Variants in PTDSS1 observed in about 807,000 individuals in gnomAD.
The protein encoded by PTDSS1 is phosphatidylserine synthase 1.
A neutral mutation model predicts 70.5 loss-of-function variants in PTDSS1; 45 were observed. The observed-to-expected ratio is 0.64, with a 90% CI of 0.50 to 0.82. The LOEUF is 0.82. Among genes scored for constraint, PTDSS1 ranks in the 40% least tolerant of loss-of-function variants. The pLI is 0.00. For synonymous variants in PTDSS1, 188 were observed against 203.8 expected (o/e 0.92, Z 0.66); for missense variants, 417 against 586.1 (o/e 0.71, Z 2.98).
intron 7 of PTDSS1, among the ~76,000 whole-genome samples, chr8:96,304,979 A>C (rs1007519736): frequency 6.6e-6 from 1 of 152,252 alleles, no homozygotes; most frequent in South Asian, 2.1e-4. Flanking sequence ...CACAGAGACA[A>C]TGCCCATCGC....
In PTDSS1 at chr8:96,306,468, T is replaced by C; in HGVS notation, c.919T>C (p.Leu307=). 3 of 1,614,144 alleles carry C rather than the reference T, an allele frequency of 1.9e-6. No homozygotes were observed. The highest frequency in any genetic ancestry group is 1.7e-6 in the Non-Finnish European group (2 of 1,179,974). The change falls in exon 8 of 13, where the codon TTG becomes CTG. Residue 307 remains leucine, a synonymous_variant. Transcript: ENST00000517309. ...GCTGACTGAGTTGAATACCTTCTTC[T>C]TGAAGCATATCTTTGTGTTCCAAGC... is the stretch of plus-strand genomic sequence containing the variant. ...WQLTELNTFF[L]KHIFVFQASH...
intron 8 of PTDSS1, among the ~76,000 whole-genome samples, chr8:96,307,825 A>G (rs1223170718): frequency 6.6e-6 from 1 of 152,254 alleles, no homozygotes; most frequent in Non-Finnish European, 1.5e-5. Context: ...CAAATCGTAT[A>G]TGATTTATCA....
At chr8:96,315,908 C>A (rs967991482) in intron 9 of PTDSS1, among the ~76,000 whole-genome samples, 2 of 152,138 alleles carry the variant, frequency 1.3e-5, no homozygotes, top group African/African-American at 4.8e-5. Flanking sequence ...AACCCCAGCA[C>A]CCCTGGGGGT....
intron 8 of PTDSS1, among the ~76,000 whole-genome samples, chr8:96,307,776 A>G (rs1296810749): frequency 6.6e-6 from 1 of 152,258 alleles, no homozygotes; most frequent in Non-Finnish European, 1.5e-5. Context: ...CAATAAAGTC[A>G]GTAAGAATGG....
intron 1 of PTDSS1, among the ~76,000 whole-genome samples, chr8:96,269,537 C>G (rs1810533954): frequency 6.6e-6 from 1 of 152,054 alleles, no homozygotes; most frequent in Non-Finnish European, 1.5e-5. Context: ...GAGCAAGTAC[C>G]CTTAGGCCAG....
chr8:96,265,640 G>A (rs1810476032), intron 1 of PTDSS1, among the ~76,000 whole-genome samples: 1 of 152,160 alleles, frequency 6.6e-6, no homozygotes. Context: ...GGGCGTGGTG[G>A]CATGCACCTG....
chr8:96,263,910 G>T (rs182432933), intron 1 of PTDSS1, among the ~76,000 whole-genome samples: 1 of 152,282 alleles, frequency 6.6e-6, no homozygotes, highest in African/African-American at 2.4e-5. Flanking sequence ...TTACCTCTGG[G>T]ATTCATTTGA....
intron 9 of PTDSS1, among the ~76,000 whole-genome samples, chr8:96,317,878 A>AGTGTGTGTGTGT (rs10529330): frequency 2.1e-5 from 3 of 139,870 alleles, no homozygotes; most frequent in African/African-American, 7.5e-5. Context: ...CTTTTGTTTC[A>AGTGTGTGTGTGT]GTGTGTGTGT....
intron 2 of PTDSS1, among the ~76,000 whole-genome samples, chr8:96,278,324 T>C (rs1358467200): frequency 6.6e-6 from 1 of 152,238 alleles, no homozygotes; most frequent in Non-Finnish European, 1.5e-5. Flanking sequence ...GGACTAGGAT[T>C]ACCTCTGCTG....
At chr8:96,330,166 G>T in intron 10 of PTDSS1, 47 bp from the exon 11 acceptor site, 1 of 1,528,474 alleles carries the variant, frequency 6.5e-7, no homozygotes, top group South Asian at 1.1e-5. Context: ...CTGAAGTTCT[G>T]GGAAATTGAA....
At chr8:96,328,153 G>T (rs1396693341) in intron 10 of PTDSS1, among the ~76,000 whole-genome samples, 1 of 152,176 alleles carries the variant, frequency 6.6e-6, no homozygotes, top group Non-Finnish European at 1.5e-5. Context: ...GAAGGGAAGA[G>T]CCCCGCGTGC....
At chr8:96,285,072 A>G (rs1810802516) in intron 3 of PTDSS1, among the ~76,000 whole-genome samples, 3 of 152,260 alleles carry the variant, frequency 2.0e-5, no homozygotes, top group Non-Finnish European at 4.4e-5. Context: ...ACAAATCAGT[A>G]ATCAAAAAAA....
At chr8:96,287,981 A>G (rs1341702279) in intron 4 of PTDSS1, among the ~76,000 whole-genome samples, 1 of 152,142 alleles carries the variant, frequency 6.6e-6, no homozygotes, top group African/African-American at 2.4e-5. Flanking sequence ...CCCACATTTC[A>G]GATGCCACTC....
At chr8:96,317,071 G>GTGTGTATA (rs33916906) in intron 9 of PTDSS1, among the ~76,000 whole-genome samples, 19,565 of 148,368 alleles carry the variant, frequency 0.13, 1,482 homozygotes, top group Middle Eastern at 0.2. Context: ...GTGTGTGTGT[G>GTGTGTATA]TATATATATA....
At chr8:96,310,460 C>T (rs896427220) in intron 9 of PTDSS1, among the ~76,000 whole-genome samples, 1 of 151,492 alleles carries the variant, frequency 6.6e-6, no homozygotes, top group Admixed American at 6.6e-5. Flanking sequence ...CCGCACCCGG[C>T]CTTGGCTCTC....
chr8:96,321,168 A>G lies in PTDSS1; in HGVS notation c.1173+823A>G, dbSNP rs1025767112. ...ATCATCGGTTATCAACTCAGGGCCA[A>G]TTGTGTTTCCTCTTATGTTGTACTC... On this transcript the variant is annotated intron_variant, in intron 10 of 12. Coordinates refer to ENST00000517309, the MANE Select transcript of PTDSS1 (RefSeq NM_014754.3). 3.9e-5 allele frequency among the ~76,000 whole-genome samples: 6 copies of G among 152,174 alleles called. No individual in the cohort carries two copies. The South Asian group carries it at 6.2e-4, about 16-fold the overall frequency.
At chr8:96,314,919 G>A (rs1029263406) in intron 9 of PTDSS1, among the ~76,000 whole-genome samples, 2 of 151,770 alleles carry the variant, frequency 1.3e-5, no homozygotes, top group South Asian at 2.1e-4. Context: ...TTTAGCAGCC[G>A]ATCCCCTTTC....
chr8:96,330,990 C>T (rs371555008), intron 11 of PTDSS1, 36 bp from the exon 12 acceptor site: 3 of 1,573,756 alleles, frequency 1.9e-6, no homozygotes, highest in Admixed American at 3.4e-5. Flanking sequence ...CAGGGAGTTC[C>T]TAAAATTCCT....
Position 96,264,315 on chromosome 8 carries a change from G to A in PTDSS1, c.179+2096G>A, listed in dbSNP as rs999021502. The stretch of plus-strand genomic sequence containing the variant: ...TTAAATTCATCTTTTTAGATAATCT[G>A]TTTAGCTCAGTGCATGGCAAGTATT... On this transcript the variant is annotated intron_variant, in intron 1 of 12. Transcript: ENST00000517309. Among the ~76,000 whole-genome samples, 2 of 152,194 alleles carry A rather than the reference G, an allele frequency of 1.3e-5. 1 individual carries two copies. The highest frequency in any genetic ancestry group is 2.9e-5 in the Non-Finnish European group (2 of 68,028).
Sources: gnomAD v4.1 joint callset for allele counts (sites outside exome capture counted in the v4.1 genomes callset) on GRCh38, gnomAD v4.1.1 for gene constraint, MANE v1.5 for transcripts, NCBI Gene and HGNC (gene_info 2026-07-23, HGNC 2026-07-21) for gene names.